The following MAGI2 variants were observed in gnomAD, a reference collection of about 807,000 sequenced individuals.
MAGI2 encodes the protein membrane-associated guanylate kinase, WW and PDZ domain-containing protein 2.
MAGI2 carries 35 observed loss-of-function variants against 133.3 expected under a neutral mutation model. The ratio of observed to expected loss-of-function variants is 0.26; its 90% CI spans 0.20 to 0.35. The LOEUF is 0.35. Ranked by LOEUF, MAGI2 falls within the 10% of genes least tolerant of loss-of-function variation. MAGI2 has a pLI of 1.00. For missense variants in MAGI2, 1,636 were observed against 1,863.4 expected (o/e 0.88, Z 2.25); for synonymous variants, 729 against 710.6 (o/e 1.03, Z -0.41).
intron 6 of MAGI2, among the ~76,000 whole-genome samples, chr7:78,482,464 T>C (rs1792496322): frequency 6.6e-6 from 1 of 151,940 alleles, no homozygotes; most frequent in Admixed American, 6.6e-5. Context: ...AGCAGCTTTA[T>C]TCATTCATAT....
chr7:78,571,006 G>A (rs1281270802), intron 3 of MAGI2, among the ~76,000 whole-genome samples: 1 of 152,180 alleles, frequency 6.6e-6, no homozygotes, highest in Non-Finnish European at 1.5e-5. Flanking sequence ...ATTTTAGCTT[G>A]AGTAAATAAA....
intron 21 of MAGI2, among the ~76,000 whole-genome samples, chr7:78,047,152 C>T (rs993769961): frequency 1.3e-5 from 2 of 152,264 alleles, no homozygotes. Flanking sequence ...TCTGTGCTCT[C>T]TGTGCATCAT....
intron 1 of MAGI2, among the ~76,000 whole-genome samples, chr7:79,076,484 G>T (rs1815474178): frequency 6.6e-6 from 1 of 152,064 alleles, no homozygotes; most frequent in African/African-American, 2.4e-5. Flanking sequence ...AGCTTAGCAG[G>T]GTTCTTTTGA....
intron 4 of MAGI2, among the ~76,000 whole-genome samples, chr7:78,515,057 A>G (rs190611179): frequency 3.3e-5 from 5 of 152,250 alleles, no homozygotes; most frequent in Non-Finnish European, 7.4e-5. Context: ...ATATATGCGC[A>G]TTTCTAATTC....
intron 6 of MAGI2, among the ~76,000 whole-genome samples, chr7:78,419,774 G>A (rs1411339000): frequency 1.3e-5 from 2 of 152,016 alleles, no homozygotes; most frequent in Admixed American, 1.3e-4. Context: ...TATCAGAAAG[G>A]GCTGTGGTGA....
At chr7:78,316,853 T>G (rs962565140) in intron 9 of MAGI2, among the ~76,000 whole-genome samples, 10 of 152,232 alleles carry the variant, frequency 6.6e-5, no homozygotes, top group South Asian at 2.1e-4. Flanking sequence ...GCCCATGAGC[T>G]GATAAACCAT....
chr7:78,786,370 TA>T (rs1826821344), intron 2 of MAGI2, among the ~76,000 whole-genome samples: 1 of 152,194 alleles, frequency 6.6e-6, no homozygotes, highest in African/African-American at 2.4e-5. Context: ...GTGAATCTGT[TA>T]AAACCTAAGT....
chr7:79,338,845 C>T (rs145834755), intron 1 of MAGI2, among the ~76,000 whole-genome samples: 243 of 152,204 alleles, frequency 1.6e-3, no homozygotes, highest in Middle Eastern at 3.4e-3. Flanking sequence ...TGTCAACCTA[C>T]GGGGGGTACT....
intron 1 of MAGI2, among the ~76,000 whole-genome samples, chr7:79,186,222 ATATATATATATATATATATATTTATATT>A (rs1827103867): frequency 5.2e-5 from 2 of 38,206 alleles, no homozygotes; most frequent in South Asian, 1.4e-3. Context: ...ATATATATAT[ATATATATATATATATATATATTTATATT>A]TATTTATTTA....
chr7:78,633,398 A>T (rs1305167046), intron 2 of MAGI2, among the ~76,000 whole-genome samples: 2 of 152,090 alleles, frequency 1.3e-5, no homozygotes, highest in African/African-American at 4.8e-5. Flanking sequence ...CCAGAACCTA[A>T]AAGTTTTTTT....
chr7:78,174,863 A>G (rs1826441336), intron 14 of MAGI2, among the ~76,000 whole-genome samples: 2 of 152,210 alleles, frequency 1.3e-5, no homozygotes, highest in Non-Finnish European at 2.9e-5. Flanking sequence ...TCAATCAATC[A>G]TGCCCATGTA....
At chr7:78,957,264 C>CAAAAAA (rs1187620956) in intron 2 of MAGI2, among the ~76,000 whole-genome samples, 113 of 41,606 alleles carry the variant, frequency 2.7e-3, no homozygotes, top group African/African-American at 4.7e-3. Context: ...GACTCCATCT[C>CAAAAAA]AAAAAAAAAA....
At chr7:78,826,842 T>C (rs1161560054) in intron 2 of MAGI2, among the ~76,000 whole-genome samples, 1 of 152,070 alleles carries the variant, frequency 6.6e-6, no homozygotes, top group African/African-American at 2.4e-5. Context: ...CGTGATACTA[T>C]CTAGTTCGCG....
At chr7:78,091,943 C>T (rs548291166) in intron 20 of MAGI2, among the ~76,000 whole-genome samples, 5 of 152,318 alleles carry the variant, frequency 3.3e-5, no homozygotes, top group South Asian at 2.1e-4. Context: ...GTCTGATTCA[C>T]GTGTACTGAG....
At chr7:79,305,090 G>A (rs979257338) in intron 1 of MAGI2, among the ~76,000 whole-genome samples, 4 of 152,024 alleles carry the variant, frequency 2.6e-5, no homozygotes, top group Admixed American at 6.6e-5. Flanking sequence ...ATGCAGAGAT[G>A]GAGTGTTAAA....
intron 2 of MAGI2, among the ~76,000 whole-genome samples, chr7:78,673,475 A>C (rs1378063804): frequency 1.3e-5 from 2 of 152,048 alleles, no homozygotes; most frequent in African/African-American, 4.8e-5. Context: ...AGAACCAGGA[A>C]ATCTGATGGT....
chr7:78,830,047 A>T (rs549717982), intron 2 of MAGI2, among the ~76,000 whole-genome samples: 1 of 152,198 alleles, frequency 6.6e-6, no homozygotes, highest in South Asian at 2.1e-4. Flanking sequence ...TTGTTTCTTC[A>T]TAATTTTCTA....
intron 2 of MAGI2, among the ~76,000 whole-genome samples, chr7:78,778,503 G>T (rs1353958515): frequency 2.0e-5 from 3 of 152,150 alleles, no homozygotes. Context: ...TTCCTTAGAA[G>T]TAGAAACTAA....
chr7:78,075,159 A>G (rs1263856680), intron 21 of MAGI2, among the ~76,000 whole-genome samples: 4 of 152,142 alleles, frequency 2.6e-5, no homozygotes, highest in Non-Finnish European at 5.9e-5. Context: ...GGCTCTAGTG[A>G]AAACCTTGGG....
Sources: gnomAD v4.1 joint callset for allele counts (sites outside exome capture counted in the v4.1 genomes callset) on GRCh38, gnomAD v4.1.1 for gene constraint, MANE v1.5 for transcripts, NCBI Gene and HGNC (gene_info 2026-07-23, HGNC 2026-07-21) for gene names.